The following PDCD7 variants were observed in gnomAD, a reference collection of about 807,000 sequenced individuals.
PDCD7 encodes the protein programmed cell death protein 7.
In PDCD7, 40 loss-of-function variants were observed where a neutral mutation model predicts 42.1. That is an observed-to-expected ratio of 0.95 (90% CI 0.74 to 1.24). PDCD7 has a LOEUF of 1.24. Among genes scored for constraint, PDCD7 ranks in the 50% most tolerant of loss-of-function variants. PDCD7 has a pLI of 0.00. For missense variants in PDCD7, 644 were observed against 662.8 expected (o/e 0.97, Z 0.31); for synonymous variants, 299 against 303.3 (o/e 0.99, Z 0.15).
At chr15:65,120,035 C>G (rs952470114) in intron 2 of PDCD7, 81 bp from the exon 3 acceptor site, 27 of 1,448,396 alleles carry the variant, frequency 1.9e-5, no homozygotes, top group Non-Finnish European at 2.3e-5. Flanking sequence ...GGCTGGAGTA[C>G]AGTGGTGTGA....
chr15:65,119,920 A>T lies in PDCD7; in HGVS notation c.1044T>A (p.Phe348Leu). The T allele has an allele frequency of 6.2e-7, 1 of 1,614,134 alleles. No homozygotes were observed. Among genetic ancestry groups the T allele is most frequent in the Non-Finnish European group, 8.5e-7 (1 of 1,180,022 alleles). The change falls in exon 3 of 5, where the codon TTT becomes TTA. Residue 348 changes from phenylalanine to leucine, a missense_variant. Phe to Leu is a conservative substitution (Grantham distance 22). Transcript: ENST00000204549. ...TTCTCAGTCGCTGAAGATGATGCGT[A>T]AAAGTCTCATCTGCTGAGGCTGGAG... ...VCPPASADET[F>L]THHLQRLRKL... is the part of the protein sequence containing the mutation.
In PDCD7 at chr15:65,133,221, C is replaced by CCGCCG; in HGVS notation, c.556_560dup (p.Leu188GlyfsTer6). 7.2e-7 allele frequency: 1 copy of CCGCCG among 1,380,694 alleles called. No individual in the cohort carries two copies. Among genetic ancestry groups the CCGCCG allele is most frequent in the Non-Finnish European group, 9.3e-7 (1 of 1,076,984 alleles). The allele number at this position is 1,380,694 out of a possible 1,614,324, so 85.5% of individuals were successfully genotyped here. On this transcript the variant is annotated frameshift_variant, in exon 1 of 5. Transcript: ENST00000204549. LOFTEE classifies it high-confidence loss of function. ...GCAGGGCCTGGCTCAGGCCGCGCAGCCGCCGCACCAGGCGCAGAGCCCGGA... is the reference window on the plus strand; with the variant it reads ...GCAGGGCCTGGCTCAGGCCGCGCAGCCGCCGCGCCGCACCAGGCGCAGAGCCCGGA...
At chr15:65,126,897 T>C (rs2087500654) in intron 2 of PDCD7, among the ~76,000 whole-genome samples, 1 of 152,202 alleles carries the variant, frequency 6.6e-6, no homozygotes. Context: ...TACATGGGTA[T>C]ATACACATAT....
Position 65,119,910 on chromosome 15 carries a change from G to A in PDCD7, c.1054C>T (p.Leu352Phe), listed in dbSNP as rs2087438961. The part of the protein sequence containing the change: ...ASADETFTHH[L>F]QRLRKLIKKR... ...TTAATGAGTTTTCTCAGTCGCTGAA[G>A]ATGATGCGTAAAAGTCTCATCTGCT... The change falls in exon 3 of 5, where the codon CTT (leucine) becomes TTT (phenylalanine). Residue 352 changes from leucine (L) to phenylalanine (F), a missense_variant. Physicochemically the swap from Leu to Phe is conservative, Grantham distance 22 (BLOSUM62 0). Coordinates refer to ENST00000204549, the MANE Select transcript of PDCD7 (RefSeq NM_005707.2). 1.2e-6 allele frequency: 2 copies of A among 1,614,156 alleles called. No homozygotes were observed. The highest frequency in any genetic ancestry group is 1.7e-5 in the Admixed American group (1 of 60,018).
At chr15:65,132,551 G>C (rs981607135) in intron 1 of PDCD7, among the ~76,000 whole-genome samples, 2 of 152,102 alleles carry the variant, frequency 1.3e-5, no homozygotes, top group African/African-American at 4.8e-5. Context: ...CGCCCGGCCT[G>C]TATTTTGTAT....
At chr15:65,125,240 C>T (rs1265175755) in intron 2 of PDCD7, among the ~76,000 whole-genome samples, 1 of 152,140 alleles carries the variant, frequency 6.6e-6, no homozygotes, top group East Asian at 1.9e-4. Flanking sequence ...ATCCTACCTT[C>T]CATGGGACCT....
chr15:65,133,388 C>A lies in PDCD7; in HGVS notation c.394G>T (p.Val132Leu), dbSNP rs1329980471. ...WPEAPPPPAD[V>L]LGDAALQRLR... ...CGTTGGAGGGCCGCATCCCCGAGCA[C>A]GTCGGCCGGCGGCGGCGGCGCCTCA... Residue 132 changes from valine to leucine, a missense_variant, in exon 1 of 5, where the codon GTG becomes TTG. Transcript: ENST00000204549. The A allele has an allele frequency of 6.7e-6, 8 of 1,195,460 alleles. 1 individual carries two copies. The South Asian group carries it at 3.3e-4, about 49-fold the overall frequency. 74.1% of individuals were successfully genotyped at this position (1,195,460 alleles called of 1,614,324 possible).
chr15:65,119,789 T>C lies in PDCD7; in HGVS notation c.1175A>G (p.Lys392Arg), dbSNP rs1433032763. The C allele has an allele frequency of 1.2e-6, 2 of 1,612,570 alleles. No individual in the cohort carries two copies. Among genetic ancestry groups the C allele is most frequent in the African/African-American group, 1.3e-5 (1 of 74,744 alleles). Residue 392 changes from lysine to arginine, a missense_variant, in exon 3 of 5, where the codon AAA becomes AGA. Physicochemically the swap from Lys to Arg is conservative, Grantham distance 26. Transcript: ENST00000204549. ...AATTTTCTCTTTTTCTTTTCTTTGT[T>C]TCTTTTCTAATTCTCTTTTCCTCTC... ...EEERKRELEK[K>R]QRKEKEKILL...
At position 65,129,017 on chromosome 15, in the gene PDCD7, C is replaced by T. The variant is rs1229763964; in HGVS notation, c.1009+15G>A. 1 of 1,613,598 alleles carries T rather than the reference C, an allele frequency of 6.2e-7. No homozygotes were observed. The highest frequency in any genetic ancestry group is 1.3e-5 in the African/African-American group (1 of 74,914). On this transcript the variant is annotated intron_variant, in intron 2 of 4. Transcript: ENST00000204549. ...GGGGAAGGGAACAAGGAAAGAAATG[C>T]AAAGCCACAGTTACCTTTCCTCGCT... is the stretch of plus-strand genomic sequence containing the variant.
rs147685413 is a variant in PDCD7 at position 65,131,228 on chromosome 15, G to T, written c.870+1684C>A. Reference sequence around the variant, plus strand: ...AAAGAAGTGAACTGCGCATGGAAGGGATCTAGGTTGTGGGCTCCTTATGAG... The same window carrying T: ...AAAGAAGTGAACTGCGCATGGAAGGTATCTAGGTTGTGGGCTCCTTATGAG... On this transcript the variant is annotated intron_variant, in intron 1 of 4. Coordinates refer to ENST00000204549, the MANE Select transcript of PDCD7 (RefSeq NM_005707.2). Among the ~76,000 whole-genome samples, 333 of 152,292 alleles carry T rather than the reference G, an allele frequency of 2.2e-3. 1 individual carries two copies. Among genetic ancestry groups the T allele is most frequent in the African/African-American group, 7.2e-3 (299 of 41,552 alleles).
chr15:65,119,587 G>A, intron 3 of PDCD7, 124 bp from the exon 4 acceptor site: 1 of 1,228,394 alleles, frequency 8.1e-7, no homozygotes, highest in Admixed American at 1.8e-5. Flanking sequence ...GTATCCATGA[G>A]TTCTATGACA....
Position 65,132,910 on chromosome 15 carries a change from A to G in PDCD7, c.870+2T>C. Reference sequence around the variant, plus strand: ...ACCCCCATGAGCGGCCGCTGCTCTCACCCGCTTCTTCTCCTCCACCTCCTG... The same window carrying G: ...ACCCCCATGAGCGGCCGCTGCTCTCGCCCGCTTCTTCTCCTCCACCTCCTG... On this transcript the variant is annotated splice_donor_variant, in intron 1 of 4. Transcript: ENST00000204549. LOFTEE classifies it high-confidence loss of function. 1 of 1,602,560 alleles carries G rather than the reference A, an allele frequency of 6.2e-7. No homozygotes were observed. Among genetic ancestry groups the G allele is most frequent in the Admixed American group, 1.7e-5 (1 of 59,980 alleles).
intron 2 of PDCD7, among the ~76,000 whole-genome samples, chr15:65,124,421 G>A (rs1486861562): frequency 1.3e-5 from 2 of 148,946 alleles, no homozygotes; most frequent in Admixed American, 6.7e-5. Context: ...GTGAAACTCC[G>A]TCTCAAAAAA....
intron 4 of PDCD7, 109 bp from the exon 5 acceptor site, chr15:65,118,949 C>A: frequency 1.4e-6 from 1 of 697,354 alleles, no homozygotes. Context: ...ATATACTAAT[C>A]TATTACAGAA....
At position 65,118,468 on chromosome 15, in the gene PDCD7, C is replaced by G. The variant is rs1007378033; in HGVS notation, c.*249G>C. The G allele has an allele frequency of 2.7e-6, 1 of 365,752 alleles. No homozygotes were observed. The highest frequency in any genetic ancestry group is 4.8e-6 in the Non-Finnish European group (1 of 206,520). 22.7% of individuals were successfully genotyped at this position (365,752 alleles called of 1,614,324 possible). A position where few individuals can be genotyped will look rare whatever the true frequency, so the allele number is the denominator to read the frequency against. The stretch of plus-strand genomic sequence containing the variant: ...TCAAAACAGAGGCAAATTTGGTGAA[C>G]CAAGGTCATTCACTGCCTGTGGTAA... On this transcript the variant is annotated 3_prime_UTR_variant, in exon 5 of 5. Transcript: ENST00000204549.
intron 2 of PDCD7, among the ~76,000 whole-genome samples, 180 bp downstream of exon 2, chr15:65,128,831 CAATCTGGGCTACCACAGGCTA>C (rs1449282028): frequency 6.6e-6 from 1 of 152,202 alleles, no homozygotes; most frequent in South Asian, 2.1e-4. Context: ...CCTCTCTTTT[CAATCTGGGCTACCACAGGCTA>C]AACATCTTCT....
chr15:65,133,200 G>C lies in PDCD7; in HGVS notation c.582C>G (p.Ala194=). The change falls in exon 1 of 5, where the codon GCC becomes GCG. Residue 194 remains alanine (A), a synonymous_variant. Transcript: ENST00000204549. ...LVRRLRGLSQ[A]LREAEADGAA... ...CGCCGTCGGCTTCGGCCTCGCGCAG[G>C]GCCTGGCTCAGGCCGCGCAGCCGCC... 4 of 1,413,662 alleles carry C rather than the reference G, an allele frequency of 2.8e-6. No homozygotes were observed. The highest frequency in any genetic ancestry group is 3.7e-6 in the Non-Finnish European group (4 of 1,094,838). The allele number at this position is 1,413,662 out of a possible 1,614,324, so 87.6% of individuals were successfully genotyped here. A position where few individuals can be genotyped will look rare whatever the true frequency, so the allele number is the denominator to read the frequency against.
chr15:65,122,563 T>C (rs1312845399), intron 2 of PDCD7, among the ~76,000 whole-genome samples: 1 of 152,234 alleles, frequency 6.6e-6, no homozygotes, highest in Non-Finnish European at 1.5e-5. Flanking sequence ...TTAATGGCTG[T>C]ATCCTATTTC....
chr15:65,124,500 T>G (rs749614366), intron 2 of PDCD7, among the ~76,000 whole-genome samples: 1 of 151,776 alleles, frequency 6.6e-6, no homozygotes, highest in Non-Finnish European at 1.5e-5. Flanking sequence ...CCTGGCACCA[T>G]CTAGGTTCCC....
Sources: gnomAD v4.1 joint callset for allele counts (sites outside exome capture counted in the v4.1 genomes callset) on GRCh38, gnomAD v4.1.1 for gene constraint, MANE v1.5 for transcripts, NCBI Gene and HGNC (gene_info 2026-07-23, HGNC 2026-07-21) for gene names.